Variants in DCUN1D1 observed in about 807,000 individuals in gnomAD.
The protein encoded by DCUN1D1 is DCN1-like protein 1.
Under a neutral mutation model 39.0 loss-of-function variants are expected in DCUN1D1, and 3 were observed. That is an observed-to-expected ratio of 0.08 (90% CI 0.04 to 0.20). The LOEUF is 0.20. Ranked by LOEUF, DCUN1D1 falls within the 10% of genes least tolerant of loss-of-function variation. The pLI is 1.00. For missense variants in DCUN1D1, 158 were observed against 302.4 expected (o/e 0.52, Z 3.54); for synonymous variants, 82 against 96.3 (o/e 0.85, Z 0.87).
chr3:182,946,556 CAAAAAAA>C (rs71185614), intron 6 of DCUN1D1, among the ~76,000 whole-genome samples: 3 of 61,562 alleles, frequency 4.9e-5, no homozygotes, highest in Admixed American at 2.2e-4. Context: ...GACTCCATCT[CAAAAAAA>C]AAAAAAAAAA....
intron 1 of DCUN1D1, among the ~76,000 whole-genome samples, chr3:182,967,259 G>T (rs9832394): frequency 6.6e-6 from 1 of 151,636 alleles, no homozygotes; most frequent in Non-Finnish European, 1.5e-5. Context: ...ACAGATCAGA[G>T]AACCTTAACC....
At chr3:182,981,759 C>G (rs746688222), upstream of DCUN1D1, among the ~76,000 whole-genome samples, 4 of 152,228 alleles carry the variant, frequency 2.6e-5, no homozygotes, top group Non-Finnish European at 5.9e-5. Context: ...TGGTAACTCC[C>G]AAAGGCCTCC....
At chr3:182,960,553 A>G (rs547812626) in intron 4 of DCUN1D1, among the ~76,000 whole-genome samples, 3 of 152,182 alleles carry the variant, frequency 2.0e-5, no homozygotes, top group African/African-American at 7.2e-5. Context: ...GCATTTCCCA[A>G]CCACTCCTGC....
chr3:182,978,379 T>C (rs1316773105), intron 1 of DCUN1D1, among the ~76,000 whole-genome samples: 1 of 151,400 alleles, frequency 6.6e-6, no homozygotes, highest in African/African-American at 2.5e-5. Context: ...GGTGAGTCTC[T>C]TTCCTTTCTT....
chr3:182,948,913 T>G (rs1399448643), intron 4 of DCUN1D1, among the ~76,000 whole-genome samples: 1 of 151,288 alleles, frequency 6.6e-6, no homozygotes, highest in Non-Finnish European at 1.5e-5. Context: ...CTGGGCATAG[T>G]GGCGGGCACC....
rs1379659602 is a variant in DCUN1D1, at chr3:182,972,941, C to T, written c.4-7188G>A. Among the ~76,000 whole-genome samples, 4 of 152,180 alleles carry T rather than the reference C, an allele frequency of 2.6e-5. No homozygotes were observed. The East Asian group carries it at 7.7e-4, about 29-fold the overall frequency. On this transcript the variant is annotated intron_variant, in intron 1 of 6. Coordinates refer to ENST00000292782, the MANE Select transcript of DCUN1D1 (RefSeq NM_020640.4). The stretch of plus-strand genomic sequence containing the variant: ...CCTGTAATCCCAGCTACTCAGGAGG[C>T]TGAGGCAGGAAAATTGCTTGAACCC...
intron 6 of DCUN1D1, among the ~76,000 whole-genome samples, chr3:182,945,533 C>T (rs891372435): frequency 3.9e-5 from 6 of 152,044 alleles, no homozygotes; most frequent in African/African-American, 7.2e-5. Flanking sequence ...ACCCGGGAGG[C>T]GGAGCTTGCA....
intron 6 of DCUN1D1, among the ~76,000 whole-genome samples, chr3:182,946,875 G>C (rs1205800297): frequency 7.9e-5 from 12 of 152,096 alleles, no homozygotes; most frequent in Admixed American, 5.9e-4. Flanking sequence ...CAACACTTTG[G>C]GATGCCAAGG....
intron 5 of DCUN1D1, 29 bp from the exon 6 acceptor site, chr3:182,947,363 T>A: frequency 6.9e-7 from 1 of 1,453,816 alleles, no homozygotes; most frequent in Non-Finnish European, 9.5e-7. Context: ...CAAAATACAT[T>A]TGTATCACTA....
At chr3:182,975,851 T>TAA (rs533263687) in intron 1 of DCUN1D1, among the ~76,000 whole-genome samples, 3,768 of 66,712 alleles carry the variant, frequency 0.056, 289 homozygotes, top group African/African-American at 0.12. Flanking sequence ...CCAGATATGC[T>TAA]AAAAAAAAAA....
At position 182,945,187 on chromosome 3, in the gene DCUN1D1, A is replaced by G; in HGVS notation, c.701-14T>C. 1 of 1,588,898 alleles carries G rather than the reference A, an allele frequency of 6.3e-7. No individual in the cohort carries two copies. The highest frequency in any genetic ancestry group is 8.5e-7 in the Non-Finnish European group (1 of 1,171,352). On this transcript the variant is annotated splice_polypyrimidine_tract_variant and intron_variant, in intron 6 of 6. Coordinates refer to ENST00000292782, the MANE Select transcript of DCUN1D1 (RefSeq NM_020640.4). ...CAGGCCATGCTCCTGGAAAAAAGAA[A>G]AAATATGAAAGAAAGAGAAGGGGGA...
intron 1 of DCUN1D1, among the ~76,000 whole-genome samples, chr3:182,968,248 G>A (rs1336842435): frequency 6.6e-6 from 1 of 152,078 alleles, no homozygotes; most frequent in African/African-American, 2.4e-5. Context: ...TAACATATTG[G>A]CATAACTTTT....
chr3:182,962,060 T>C (rs1426614930), intron 3 of DCUN1D1, among the ~76,000 whole-genome samples: 1 of 152,218 alleles, frequency 6.6e-6, no homozygotes, highest in African/African-American at 2.4e-5. Flanking sequence ...ATTTTCCTTC[T>C]ACATTCTTTG....
upstream of DCUN1D1, among the ~76,000 whole-genome samples, chr3:182,984,390 A>G (rs1728659557): frequency 6.6e-6 from 1 of 152,200 alleles, no homozygotes; most frequent in African/African-American, 2.4e-5. Context: ...ATAAATTACA[A>G]TATTTAACAA....
chr3:182,967,340 G>A lies in DCUN1D1; in HGVS notation c.4-1587C>T, dbSNP rs528244050. Reference sequence around the variant, plus strand: ...AGTAGAAATGAGACAAGAACAAAGAGGTCTCATGAATCTGAGTAATCTTTC... The same window carrying A: ...AGTAGAAATGAGACAAGAACAAAGAAGTCTCATGAATCTGAGTAATCTTTC... On this transcript the variant is annotated intron_variant, in intron 1 of 6. Transcript: ENST00000292782. 3.3e-5 allele frequency among the ~76,000 whole-genome samples: 5 copies of A among 151,962 alleles called. No individual in the cohort carries two copies. In the South Asian group the frequency reaches 1.0e-3, roughly 32 times the overall value.
At chr3:182,953,864 A>G (rs1351040981) in intron 4 of DCUN1D1, among the ~76,000 whole-genome samples, 1 of 152,226 alleles carries the variant, frequency 6.6e-6, no homozygotes. Context: ...GTAAAATGCA[A>G]ACAGAGATAC....
At chr3:182,979,915 G>A (rs1728440652) in intron 1 of DCUN1D1, among the ~76,000 whole-genome samples, 1 of 152,174 alleles carries the variant, frequency 6.6e-6, no homozygotes, top group Non-Finnish European at 1.5e-5. Context: ...ATGGAGAAAG[G>A]AAAAGGGCTG....
chr3:182,980,386 G>A, intron 1 of DCUN1D1, 101 bp downstream of exon 1: 1 of 891,222 alleles, frequency 1.1e-6, no homozygotes, highest in Non-Finnish European at 1.4e-6. Context: ...CCGAGGCTCG[G>A]GGCTGCAGGG....
At chr3:182,972,972 G>A (rs1461210048) in intron 1 of DCUN1D1, among the ~76,000 whole-genome samples, 1 of 152,066 alleles carries the variant, frequency 6.6e-6, no homozygotes, top group Non-Finnish European at 1.5e-5. Context: ...AACCCGGGAG[G>A]CGGAGGTTGT....
Sources: allele counts gnomAD v4.1 joint callset (sites outside exome capture counted in the v4.1 genomes callset), GRCh38; gene constraint gnomAD v4.1.1; transcripts MANE v1.5; gene names NCBI Gene and HGNC (gene_info 2026-07-23, HGNC 2026-07-21).